Variants in AUTS2 observed in about 807,000 individuals in gnomAD.
AUTS2 encodes the protein autism susceptibility gene 2 protein.
A neutral mutation model predicts 112.4 loss-of-function variants in AUTS2; 17 were observed. The ratio of observed to expected loss-of-function variants is 0.15; its 90% CI spans 0.10 to 0.23. AUTS2 has a LOEUF of 0.23. AUTS2 is among the 10% of genes least tolerant of loss of function. The pLI is 1.00. For synonymous variants in AUTS2, 751 were observed against 702.7 expected (o/e 1.07, Z -1.09); for missense variants, 1,510 against 1,701.6 (o/e 0.89, Z 1.98).
intron 6 of AUTS2, among the ~76,000 whole-genome samples, chr7:70,762,629 C>T (rs1001935615): frequency 6.6e-6 from 1 of 152,140 alleles, no homozygotes; most frequent in Non-Finnish European, 1.5e-5. Flanking sequence ...CCTTCCCACA[C>T]CCCCAGGGTC....
At chr7:69,872,566 C>CT (rs1343310900) in intron 1 of AUTS2, among the ~76,000 whole-genome samples, 1 of 152,016 alleles carries the variant, frequency 6.6e-6, no homozygotes, top group Non-Finnish European at 1.5e-5. Context: ...CATTTTTTGC[C>CT]TTTTTTTCTC....
At chr7:70,323,651 G>A (rs747869207) in intron 4 of AUTS2, among the ~76,000 whole-genome samples, 8 of 152,094 alleles carry the variant, frequency 5.3e-5, no homozygotes, top group African/African-American at 1.4e-4. Flanking sequence ...TCCTGATCTC[G>A]CAACTCACAT....
chr7:70,608,305 A>G (rs1010159425), intron 5 of AUTS2, among the ~76,000 whole-genome samples: 1 of 151,940 alleles, frequency 6.6e-6, no homozygotes, highest in South Asian at 2.1e-4. Flanking sequence ...GGGTCTCACT[A>G]TGTTGCCCAG....
At chr7:70,280,450 A>AT (rs35280015) in intron 4 of AUTS2, among the ~76,000 whole-genome samples, 6,841 of 121,776 alleles carry the variant, frequency 0.056, 212 homozygotes, top group Non-Finnish European at 0.068. Context: ...TGCCCGGCTG[A>AT]TTTTTTTTTT....
At chr7:70,106,799 A>T (rs1036944299) in intron 2 of AUTS2, among the ~76,000 whole-genome samples, 1 of 152,168 alleles carries the variant, frequency 6.6e-6, no homozygotes, top group Non-Finnish European at 1.5e-5. Context: ...TATTTTTATT[A>T]TTAAGAAATC....
intron 5 of AUTS2, among the ~76,000 whole-genome samples, chr7:70,657,315 T>G (rs1806824062): frequency 6.6e-6 from 1 of 152,232 alleles, no homozygotes; most frequent in Non-Finnish European, 1.5e-5. Context: ...CAGCTTATTT[T>G]TTCCGAAGAG....
intron 4 of AUTS2, among the ~76,000 whole-genome samples, chr7:70,341,173 T>C (rs967197283): frequency 2.0e-5 from 3 of 152,256 alleles, no homozygotes; most frequent in Non-Finnish European, 4.4e-5. Flanking sequence ...CTACAACCCT[T>C]GGCAGAGACA....
chr7:69,900,323 A>G (rs1794917686), intron 2 of AUTS2, among the ~76,000 whole-genome samples: 1 of 152,228 alleles, frequency 6.6e-6, no homozygotes, highest in African/African-American at 2.4e-5. Context: ...ATTGACTATC[A>G]CTGAAGAAAG....
rs373307550 is a variant in AUTS2, at chr7:70,170,247, C to G, written c.660+35676C>G. On this transcript the variant is annotated intron_variant, in intron 4 of 18. Transcript: ENST00000342771. ...TGATCTCAGCTCACTGCAATCTCTA[C>G]CTCCTGGGCTCAAGCGATCCTCCCA... is the stretch of plus-strand genomic sequence containing the variant. 3.1e-3 allele frequency among the ~76,000 whole-genome samples: 457 copies of G among 148,850 alleles called. 2 individuals are homozygous for G. Among genetic ancestry groups the G allele is most frequent in the Admixed American group, 5.2e-3 (77 of 14,848 alleles).
intron 2 of AUTS2, among the ~76,000 whole-genome samples, chr7:69,942,927 A>G (rs531073422): frequency 1.3e-5 from 2 of 152,382 alleles, no homozygotes; most frequent in East Asian, 3.9e-4. Context: ...CTGACTAGAA[A>G]GATATGGTTA....
chr7:69,815,600 C>A (rs1321341858), intron 1 of AUTS2, among the ~76,000 whole-genome samples: 2 of 152,058 alleles, frequency 1.3e-5, no homozygotes, highest in African/African-American at 4.8e-5. Flanking sequence ...CTGCAACCTC[C>A]GCCTCCCAGG....
intron 1 of AUTS2, among the ~76,000 whole-genome samples, chr7:69,876,359 T>TAA (rs1793768839): frequency 9.7e-6 from 1 of 103,050 alleles, no homozygotes; most frequent in African/African-American, 4.0e-5. Flanking sequence ...AATATATATA[T>TAA]ATATATATAT....
At chr7:70,220,709 G>A (rs952704442) in intron 4 of AUTS2, among the ~76,000 whole-genome samples, 1 of 152,138 alleles carries the variant, frequency 6.6e-6, no homozygotes, top group African/African-American at 2.4e-5. Flanking sequence ...AAGGTAACAG[G>A]GCATAATGCC....
chr7:70,003,497 A>G (rs1414859628), intron 2 of AUTS2, among the ~76,000 whole-genome samples: 1 of 122,790 alleles, frequency 8.1e-6, no homozygotes, highest in African/African-American at 3.3e-5. Flanking sequence ...AATATATATG[A>G]ATATGTTATA....
intron 5 of AUTS2, among the ~76,000 whole-genome samples, chr7:70,693,374 T>A (rs1276799427): frequency 2.0e-5 from 3 of 152,200 alleles, no homozygotes; most frequent in African/African-American, 4.8e-5. Flanking sequence ...TTCCCTACAT[T>A]CGGTGAATGC....
At chr7:70,640,154 T>A (rs1585419974) in intron 5 of AUTS2, among the ~76,000 whole-genome samples, 1 of 152,098 alleles carries the variant, frequency 6.6e-6, no homozygotes. Flanking sequence ...GGTCTCTTTC[T>A]CGGGGAGGCT....
intron 1 of AUTS2, among the ~76,000 whole-genome samples, chr7:69,613,966 C>G (rs1793182434): frequency 6.6e-6 from 1 of 152,142 alleles, no homozygotes; most frequent in Non-Finnish European, 1.5e-5. Context: ...TTGTTCTCTC[C>G]CATTTCCCAT....
intron 2 of AUTS2, among the ~76,000 whole-genome samples, chr7:70,063,260 TG>T (rs1311286832): frequency 6.6e-6 from 1 of 151,770 alleles, no homozygotes; most frequent in Non-Finnish European, 1.5e-5. Flanking sequence ...TTTTGGGTTT[TG>T]TTTTTTTTTT....
intron 2 of AUTS2, among the ~76,000 whole-genome samples, chr7:70,089,442 A>G (rs1803790943): frequency 6.6e-6 from 1 of 151,886 alleles, no homozygotes; most frequent in African/African-American, 2.4e-5. Flanking sequence ...CTCACTTTTG[A>G]TAGTGTCTTT....
Sources: allele counts gnomAD v4.1 joint callset (sites outside exome capture counted in the v4.1 genomes callset), GRCh38; gene constraint gnomAD v4.1.1; transcripts MANE v1.5; gene names NCBI Gene and HGNC (gene_info 2026-07-23, HGNC 2026-07-21).